Variants in NSF observed in about 807,000 individuals in gnomAD.
The protein encoded by NSF is vesicle-fusing ATPase.
Under a neutral mutation model 50.3 loss-of-function variants are expected in NSF, and 14 were observed. The ratio of observed to expected loss-of-function variants is 0.28; its 90% confidence interval spans 0.18 to 0.44. The LOEUF (loss-of-function observed/expected upper bound fraction) is 0.44, where lower values mean the gene tolerates loss of function less well. NSF is among the 20% of genes least tolerant of loss of function. The pLI, the probability that NSF is intolerant of heterozygous loss-of-function variation, is 1.00. For synonymous variants in NSF, 109 were observed against 175.7 expected (o/e 0.62, Z 3.00); for missense variants, 218 against 504.3 (o/e 0.43, Z 5.44).
chr17:46,750,947 AC>A (rs999790962), intron 18 of NSF, among the ~76,000 whole-genome samples: 42 of 152,344 alleles, frequency 2.8e-4, no homozygotes, highest in African/African-American at 9.6e-4. Context: ...TTAAAAAAGA[AC>A]GTTCTTCATT....
intron 15 of NSF, among the ~76,000 whole-genome samples, chr17:46,718,273 G>A (rs1014330816): frequency 6.6e-5 from 10 of 151,994 alleles, no homozygotes; most frequent in Non-Finnish European, 1.5e-4. Context: ...ACTGGCCCTC[G>A]AGGGCACCCT....
chr17:46,740,205 G>A (rs1213708463), intron 17 of NSF, among the ~76,000 whole-genome samples: 2 of 152,174 alleles, frequency 1.3e-5, no homozygotes, highest in Admixed American at 1.3e-4. Context: ...TTGGCCTCCA[G>A]ATAAGTAAGG....
chr17:46,687,405 C>G (rs191610834), intron 9 of NSF, among the ~76,000 whole-genome samples: 3 of 151,210 alleles, frequency 2.0e-5, no homozygotes, highest in African/African-American at 7.3e-5. Context: ...AACAAACAAA[C>G]AAAAAAAATT....
At chr17:46,620,315 CTT>C (rs1231088449) in intron 1 of NSF, among the ~76,000 whole-genome samples, 2 of 9,116 alleles carry the variant, frequency 2.2e-4, no homozygotes, top group Non-Finnish European at 3.7e-4. Flanking sequence ...CTCTCGCTCT[CTT>C]TTTTTTTTTT....
chr17:46,750,695 T>A (rs1407366054), intron 18 of NSF, among the ~76,000 whole-genome samples: 1 of 152,214 alleles, frequency 6.6e-6, no homozygotes, highest in Non-Finnish European at 1.5e-5. Flanking sequence ...ATGAGTGATG[T>A]ATATAGATTA....
intron 15 of NSF, among the ~76,000 whole-genome samples, chr17:46,715,992 C>T (rs2058764872): frequency 2.0e-5 from 3 of 151,950 alleles, no homozygotes; most frequent in Non-Finnish European, 4.4e-5. Context: ...TTTGGTTTTC[C>T]TTGGGGGAAA....
intron 13 of NSF, among the ~76,000 whole-genome samples, chr17:46,709,493 A>ATT (rs934842907): frequency 7.0e-6 from 1 of 143,662 alleles, no homozygotes. Context: ...CCAGCCTATA[A>ATT]TTTTTTTTTT....
At chr17:46,734,738 G>A (rs2146307571) in intron 17 of NSF, among the ~76,000 whole-genome samples, 1 of 152,250 alleles carries the variant, frequency 6.6e-6, no homozygotes, top group East Asian at 1.9e-4. Context: ...ACATATATAT[G>A]TAGATTAATT....
At chr17:46,753,020 C>T (rs1317003639) in intron 19 of NSF, among the ~76,000 whole-genome samples, 2 of 152,244 alleles carry the variant, frequency 1.3e-5, no homozygotes, top group African/African-American at 2.4e-5. Context: ...CTGCCCGCCT[C>T]GGCCTCCCAA....
At chr17:46,691,723 A>T (rs1270967973) in intron 9 of NSF, among the ~76,000 whole-genome samples, 3 of 151,604 alleles carry the variant, frequency 2.0e-5, no homozygotes, top group Admixed American at 2.0e-4. Flanking sequence ...TATTTAGGTT[A>T]TGTTCATTTT....
At chr17:46,720,416 G>A (rs2058818393) in intron 15 of NSF, among the ~76,000 whole-genome samples, 1 of 152,102 alleles carries the variant, frequency 6.6e-6, no homozygotes, top group Non-Finnish European at 1.5e-5. Flanking sequence ...CACGATATGA[G>A]AAAATGTAAG....
At chr17:46,685,576 CTT>C (rs1279748884) in intron 9 of NSF, among the ~76,000 whole-genome samples, 2 of 151,322 alleles carry the variant, frequency 1.3e-5, no homozygotes, top group African/African-American at 2.4e-5. Context: ...TGGAGAAAGA[CTT>C]TGCAGATGTT....
At position 46,756,939 on chromosome 17, in the gene NSF, T is replaced by G. The variant is rs756570610; in HGVS notation, c.*1116T>G. On this transcript the variant is annotated 3_prime_UTR_variant, in exon 21 of 21. Transcript: ENST00000398238. The stretch of plus-strand genomic sequence containing the variant: ...GTGATTTGTCTTACAACTGACTGAC[T>G]TAGCAGGAATTTAATTAGGTCATAT... The G allele has an allele frequency of 3.9e-5, 6 of 152,548 alleles. No homozygotes were observed. Among genetic ancestry groups the G allele is most frequent in the Non-Finnish European group, 7.4e-5 (5 of 68,026 alleles). The allele number at this position is 152,548 out of a possible 1,614,324, so 9.4% of individuals were successfully genotyped here. A position where few individuals can be genotyped will look rare whatever the true frequency, so the allele number is the denominator to read the frequency against.
At chr17:46,755,680 C>T in intron 20 of NSF, 122 bp from the exon 21 acceptor site, 2 of 1,080,442 alleles carry the variant, frequency 1.9e-6, no homozygotes, top group Non-Finnish European at 1.3e-6. Flanking sequence ...ATAGCAAATG[C>T]ATAGTGGGAA....
rs2058715451 is a variant in NSF at position 46,711,132 on chromosome 17, G to T, written c.1627+13G>T. The T allele has an allele frequency of 1.5e-5, 23 of 1,490,896 alleles. No individual in the cohort carries two copies. The highest frequency in any genetic ancestry group is 2.0e-5 in the Non-Finnish European group (23 of 1,124,294). 92.4% of individuals were successfully genotyped at this position (1,490,896 alleles called of 1,614,324 possible). A position where few individuals can be genotyped will look rare whatever the true frequency, so the allele number is the denominator to read the frequency against. ...GTGCTTCTGGAAGGTGAGAATGAAT[G>T]AGGAGATGGCATTAAAAGTTAAAGG... On this transcript the variant is annotated intron_variant, in intron 14 of 20. Transcript: ENST00000398238.
intron 15 of NSF, among the ~76,000 whole-genome samples, chr17:46,717,608 A>AGG (rs2058785789): frequency 6.6e-6 from 1 of 152,144 alleles, no homozygotes; most frequent in South Asian, 2.1e-4. Context: ...GCTACTCAGG[A>AGG]GGCTGAGGCA....
In NSF at chr17:46,751,219, AC is replaced by A. The variant is rs528994479; in HGVS notation, c.2044-283del. ...CTAGAAAAGAATGTTAAAAATTTTA[AC>A]TTATATTTATTATGGATTGGAGCTA... On this transcript the variant is annotated intron_variant, in intron 18 of 20. Transcript: ENST00000398238. Among the ~76,000 whole-genome samples, 535 of 152,352 alleles carry A rather than the reference AC, an allele frequency of 3.5e-3. 5 individuals carry two copies. Among genetic ancestry groups the A allele is most frequent in the South Asian group, 9.1e-3 (44 of 4,834 alleles).
chr17:46,755,904 A>G lies in NSF; in HGVS notation c.*81A>G. 1.4e-6 allele frequency: 2 copies of G among 1,401,656 alleles called. No homozygotes were observed. The highest frequency in any genetic ancestry group is 2.0e-6 in the Non-Finnish European group (2 of 1,000,984). The allele number at this position is 1,401,656 out of a possible 1,614,324, so 86.8% of individuals were successfully genotyped here. Reference sequence around the variant, plus strand: ...CCTAGGATCTTCACTGTCTTACTCAAGATACTGGACTAAGTGGAACGTTCT... The same window carrying G: ...CCTAGGATCTTCACTGTCTTACTCAGGATACTGGACTAAGTGGAACGTTCT... On this transcript the variant is annotated 3_prime_UTR_variant, in exon 21 of 21. Transcript: ENST00000398238.
In NSF at chr17:46,676,319, G is replaced by A. The variant is rs567454622; in HGVS notation, c.945+1706G>A. ...GTGATCTCGGCTCACCACAACCTCC[G>A]CCTCCCAGGTTCAAGCAATTCTCCT... On this transcript the variant is annotated intron_variant, in intron 9 of 20. Coordinates refer to ENST00000398238, the MANE Select transcript of NSF (RefSeq NM_006178.4). Among the ~76,000 whole-genome samples the A allele has an allele frequency of 1.2e-3, 154 of 132,328 alleles. 5 individuals carry two copies. The East Asian group carries it at 0.031, about 27-fold the overall frequency. 86.8% of individuals were successfully genotyped at this position (132,328 alleles called of 152,430 possible).
Sources: gnomAD v4.1 joint callset for allele counts (sites outside exome capture counted in the v4.1 genomes callset) on GRCh38, gnomAD v4.1.1 for gene constraint, MANE v1.5 for transcripts, NCBI Gene and HGNC (gene_info 2026-07-23, HGNC 2026-07-21) for gene names.